SFMBT2: variants seen among roughly 807,000 people sequenced by gnomAD.
SFMBT2 encodes Scm like with four mbt domains 2, also known as scm-like with four MBT domains protein 2.
SFMBT2 carries 38 observed loss-of-function variants against 110.1 expected under a neutral mutation model. The observed-to-expected ratio is 0.35, with a 90% CI of 0.27 to 0.45. The LOEUF is 0.45. SFMBT2 is among the 20% of genes least tolerant of loss of function. SFMBT2 has a pLI of 1.00. For missense variants in SFMBT2, 1,011 were observed against 1,094.9 expected, an observed-to-expected ratio of 0.92 and a Z score of 1.08; for synonymous variants, 425 against 425.4, an observed-to-expected ratio of 1.00 and a Z score of 0.01.
intron 4 of SFMBT2, among the ~76,000 whole-genome samples, chr10:7,318,799 G>C (rs1413958661): frequency 1.3e-5 from 2 of 152,236 alleles, no homozygotes; most frequent in Admixed American, 6.5e-5. Context: ...GCTAAAAAGG[G>C]AAATAAATCT....
chr10:7,316,578 C>T (rs1843018821), intron 4 of SFMBT2, among the ~76,000 whole-genome samples: 1 of 152,236 alleles, frequency 6.6e-6, no homozygotes, highest in Non-Finnish European at 1.5e-5. Context: ...TTCTCCCATG[C>T]AACTGAGTTT....
intron 4 of SFMBT2, among the ~76,000 whole-genome samples, chr10:7,288,495 G>C (rs1842167488): frequency 6.6e-6 from 1 of 152,032 alleles, no homozygotes; most frequent in African/African-American, 2.4e-5. Flanking sequence ...CTGTGTTCTT[G>C]TGTTCTCTTC....
intron 4 of SFMBT2, among the ~76,000 whole-genome samples, chr10:7,348,667 GTA>G (rs1844198354): frequency 6.6e-6 from 1 of 152,168 alleles, no homozygotes; most frequent in South Asian, 2.1e-4. Context: ...GCCTCATGTT[GTA>G]TAATCATTCT....
intron 4 of SFMBT2, among the ~76,000 whole-genome samples, chr10:7,312,728 G>C (rs186616970): frequency 6.6e-6 from 1 of 152,326 alleles, no homozygotes; most frequent in African/African-American, 2.4e-5. Context: ...GGGCGTTAGC[G>C]AATCACAATG....
At chr10:7,198,225 C>A (rs932657499) in intron 14 of SFMBT2, 2 of 835,010 alleles carry the variant, frequency 2.4e-6, no homozygotes, top group Admixed American at 6.2e-5. Flanking sequence ...TTGGTAAATG[C>A]GGATCTAGAA....
At chr10:7,382,642 C>A (rs967188362) in intron 1 of SFMBT2, among the ~76,000 whole-genome samples, 1 of 152,080 alleles carries the variant, frequency 6.6e-6, no homozygotes, top group African/African-American at 2.4e-5. Context: ...CTCCACCCCC[C>A]ACACAACCTC....
chr10:7,295,060 G>A (rs1453266677), intron 4 of SFMBT2: 3 of 152,144 alleles, frequency 2.0e-5, no homozygotes, highest in Non-Finnish European at 2.9e-5. Context: ...ACAGGTCAGT[G>A]ACAAACTTCT....
chr10:7,344,607 T>C (rs372780552), intron 4 of SFMBT2, among the ~76,000 whole-genome samples: 131 of 152,224 alleles, frequency 8.6e-4, no homozygotes, highest in African/African-American at 3.0e-3. Flanking sequence ...ACAACCACCA[T>C]GCAAGAAGAG....
chr10:7,370,218 C>G, intron 3 of SFMBT2, 63 bp downstream of exon 3: 2 of 1,440,880 alleles, frequency 1.4e-6, no homozygotes, highest in South Asian at 1.2e-5. Context: ...TCCGGCTTCT[C>G]CCTATAGATT....
intron 4 of SFMBT2, among the ~76,000 whole-genome samples, chr10:7,345,531 G>A (rs1298329934): frequency 2.0e-5 from 3 of 152,024 alleles, no homozygotes; most frequent in Non-Finnish European, 2.9e-5. Flanking sequence ...GCTAATTTTT[G>A]TATTTTTAGT....
At chr10:7,272,481 G>C (rs1005597889) in intron 7 of SFMBT2, among the ~76,000 whole-genome samples, 1 of 152,164 alleles carries the variant, frequency 6.6e-6, no homozygotes, top group Non-Finnish European at 1.5e-5. Context: ...GGGTTGACAG[G>C]AGCTTAAGAT....
intron 3 of SFMBT2, among the ~76,000 whole-genome samples, chr10:7,369,293 T>C (rs892705172): frequency 2.6e-5 from 4 of 152,258 alleles, no homozygotes; most frequent in Admixed American, 2.0e-4. Flanking sequence ...TTGCCCTGCA[T>C]GGACAAAGTG....
At chr10:7,177,740 T>G (rs996811523) in intron 16 of SFMBT2, among the ~76,000 whole-genome samples, 1 of 151,744 alleles carries the variant, frequency 6.6e-6, no homozygotes, top group Non-Finnish European at 1.5e-5. Context: ...GGGGCACTAC[T>G]GGGGAGGCTG....
At chr10:7,265,433 T>C (rs1841354890) in intron 7 of SFMBT2, among the ~76,000 whole-genome samples, 1 of 152,130 alleles carries the variant, frequency 6.6e-6, no homozygotes, top group Admixed American at 6.5e-5. Context: ...AAATCCTGAG[T>C]TCATGCAATC....
intron 1 of SFMBT2, among the ~76,000 whole-genome samples, chr10:7,402,658 T>C (rs991618043): frequency 1.3e-5 from 2 of 152,150 alleles, no homozygotes; most frequent in East Asian, 3.8e-4. Context: ...AGCCTTTGAT[T>C]CTCCACCTTC....
At chr10:7,237,668 T>C (rs1442895744) in intron 9 of SFMBT2, among the ~76,000 whole-genome samples, 3 of 152,148 alleles carry the variant, frequency 2.0e-5, no homozygotes, top group Non-Finnish European at 4.4e-5. Context: ...TTCCAGCTAC[T>C]GAGGATGACT....
intron 1 of SFMBT2, among the ~76,000 whole-genome samples, chr10:7,403,067 C>T (rs148953303): frequency 2.1e-3 from 317 of 152,290 alleles, no homozygotes; most frequent in African/African-American, 7.3e-3. Context: ...ATGGTCAGTT[C>T]ATACGACAGT....
At position 7,171,883 on chromosome 10, in the gene SFMBT2, C is replaced by T; in HGVS notation, c.2415+12G>A. ...CAGCGGGAAGCCCTCTGTCCCCACG[C>T]CCGGGCATCACCTCTGTCCCCTCGG... On this transcript the variant is annotated intron_variant, in intron 19 of 20. Coordinates refer to ENST00000397167, the MANE Select transcript of SFMBT2 (RefSeq NM_001387889.1). The surrounding 1 kb of genome is among the most constrained non-coding windows in gnomAD (Gnocchi z 4.9). 1.4e-6 allele frequency: 2 copies of T among 1,412,444 alleles called. No homozygotes were observed. Among genetic ancestry groups the T allele is most frequent in the South Asian group, 3.1e-5 (2 of 64,718 alleles). 87.5% of individuals were successfully genotyped at this position (1,412,444 alleles called of 1,614,324 possible). A position where few individuals can be genotyped will look rare whatever the true frequency, so the allele number is the denominator to read the frequency against.
chr10:7,215,674 G>C (rs1202717549), intron 11 of SFMBT2: 8 of 985,336 alleles, frequency 8.1e-6, no homozygotes, highest in Non-Finnish European at 9.6e-6. Context: ...GCAGGGAGGA[G>C]AGTCCGCTGC....
Sources: gnomAD v4.1 joint callset for allele counts (sites outside exome capture counted in the v4.1 genomes callset) on GRCh38, gnomAD v4.1.1 for gene constraint, Gnocchi (gnomAD v3.1) non-coding constraint, MANE v1.5 for transcripts, NCBI Gene and HGNC (gene_info 2026-07-23, HGNC 2026-07-21) for gene names.